Variants in ARHGEF26 observed in about 807,000 individuals in gnomAD.
ARHGEF26 encodes Rho guanine nucleotide exchange factor (GEF) 26.
A neutral mutation model predicts 89.4 loss-of-function variants in ARHGEF26; 59 were observed. That is an observed-to-expected ratio of 0.66 (90% CI 0.54 to 0.82). ARHGEF26 has a LOEUF of 0.82. ARHGEF26 is among the 40% of genes least tolerant of loss of function. ARHGEF26 has a pLI of 0.00. For missense variants in ARHGEF26, 1,234 were observed against 1,085.6 expected (o/e 1.14, Z -1.92); for synonymous variants, 500 against 428.4 (o/e 1.17, Z -2.06).
At chr3:154,232,486 C>T (rs953261340) in intron 11 of ARHGEF26, among the ~76,000 whole-genome samples, 3 of 152,188 alleles carry the variant, frequency 2.0e-5, no homozygotes, top group Non-Finnish European at 4.4e-5. Flanking sequence ...GGTCTGAGCA[C>T]TTGCCAAATT....
At chr3:154,230,034 A>G (rs1716739604) in intron 11 of ARHGEF26, among the ~76,000 whole-genome samples, 1 of 152,214 alleles carries the variant, frequency 6.6e-6, no homozygotes, top group Non-Finnish European at 1.5e-5. Context: ...TTGAAATACA[A>G]AACTGAATCC....
At chr3:154,141,978 A>G (rs1719411518) in intron 4 of ARHGEF26, among the ~76,000 whole-genome samples, 1 of 152,194 alleles carries the variant, frequency 6.6e-6, no homozygotes, top group Admixed American at 6.5e-5. Flanking sequence ...AACCCAGCCT[A>G]CCCTCCAGGA....
chr3:154,255,864 C>T lies in ARHGEF26; in HGVS notation c.*391C>T, dbSNP rs1718466582. On this transcript the variant is annotated 3_prime_UTR_variant, in exon 15 of 15. Transcript: ENST00000465093. ...TCTTTATACATCCTTGTATGGTTCTCCCAGTATTAGCAAGATTGTATATCT... is the reference window on the plus strand; with the variant it reads ...TCTTTATACATCCTTGTATGGTTCTTCCAGTATTAGCAAGATTGTATATCT... 1.0e-6 allele frequency: 1 copy of T among 1,002,928 alleles called. No individual in the cohort carries two copies. The allele number at this position is 1,002,928 out of a possible 1,614,324, so 62.1% of individuals were successfully genotyped here.
rs1714181326 is a variant in ARHGEF26 at position 154,194,731 on chromosome 3, T to TG, written c.1845+14dup. On this transcript the variant is annotated intron_variant, in intron 9 of 14. Transcript: ENST00000465093. ...GGAAGTTAGCAAGGTAACTGTTGGG[T>TG]GACAGTTTGTTTGTAAGACAGGAAA... 6.2e-7 allele frequency: 1 copy of TG among 1,605,474 alleles called. No homozygotes were observed. The highest frequency in any genetic ancestry group is 8.5e-7 in the Non-Finnish European group (1 of 1,174,408).
At chr3:154,253,000 C>A in intron 12 of ARHGEF26, 116 bp from the exon 13 acceptor site, 2 of 1,121,870 alleles carry the variant, frequency 1.8e-6, no homozygotes, top group Non-Finnish European at 2.6e-6. Flanking sequence ...TTTTACCATA[C>A]CTCTCTAGAG....
At chr3:154,249,245 C>G (rs527635981) in intron 12 of ARHGEF26, among the ~76,000 whole-genome samples, 5 of 152,162 alleles carry the variant, frequency 3.3e-5, no homozygotes, top group Admixed American at 2.6e-4. Context: ...AGCCTACTTC[C>G]TACTTTCTCA....
At chr3:154,245,600 A>G (rs1347891690) in intron 12 of ARHGEF26, among the ~76,000 whole-genome samples, 1 of 152,122 alleles carries the variant, frequency 6.6e-6, no homozygotes, top group Non-Finnish European at 1.5e-5. Flanking sequence ...TCAGTACTGC[A>G]CACTGCAGTC....
chr3:154,217,796 G>C, intron 9 of ARHGEF26, 73 bp from the exon 10 acceptor site: 1 of 1,162,532 alleles, frequency 8.6e-7, no homozygotes, highest in South Asian at 1.3e-5. Flanking sequence ...ATTATTTCCT[G>C]TGAGAGTTCT....
intron 9 of ARHGEF26, among the ~76,000 whole-genome samples, chr3:154,201,553 G>C (rs1714638214): frequency 6.6e-6 from 1 of 152,118 alleles, no homozygotes; most frequent in African/African-American, 2.4e-5. Flanking sequence ...GAAATTTCTA[G>C]TTCTAGATCC....
intron 11 of ARHGEF26, among the ~76,000 whole-genome samples, chr3:154,227,540 TA>T (rs1716568776): frequency 6.6e-6 from 1 of 152,152 alleles, no homozygotes; most frequent in Admixed American, 6.5e-5. Context: ...CTCAGCTTCC[TA>T]AAGTGCTGGG....
chr3:154,238,420 T>C (rs756642184), intron 11 of ARHGEF26, among the ~76,000 whole-genome samples: 3 of 152,222 alleles, frequency 2.0e-5, no homozygotes, highest in Non-Finnish European at 2.9e-5. Context: ...TTGCTGTTTT[T>C]TGAGGGCAGA....
At chr3:154,165,469 C>T (rs1711955274) in intron 6 of ARHGEF26, among the ~76,000 whole-genome samples, 1 of 152,158 alleles carries the variant, frequency 6.6e-6, no homozygotes, top group African/African-American at 2.4e-5. Context: ...GTTTTCTCTG[C>T]ATGCTGTTGA....
rs180801386 is a variant in ARHGEF26 at position 154,130,046 on chromosome 3, C to T, written c.1269+327C>T. Among the ~76,000 whole-genome samples, 62 of 151,262 alleles carry T rather than the reference C, an allele frequency of 4.1e-4. 1 individual carries two copies. In the East Asian group the frequency reaches 7.6e-3, roughly 19 times the overall value. On this transcript the variant is annotated intron_variant, in intron 4 of 14. Coordinates refer to ENST00000465093, the MANE Select transcript of ARHGEF26 (RefSeq NM_015595.4). ...AATTATGGCTATTTACATATATATG[C>T]GTGTGTGTTTATGTATGTATGCGTG...
At chr3:154,162,165 G>A (rs1711705563) in intron 6 of ARHGEF26, among the ~76,000 whole-genome samples, 1 of 152,168 alleles carries the variant, frequency 6.6e-6, no homozygotes, top group South Asian at 2.1e-4. Context: ...TATAGCTGTG[G>A]ATTTTGAACC....
chr3:154,151,245 T>G (rs555524781), intron 5 of ARHGEF26, among the ~76,000 whole-genome samples: 1 of 152,334 alleles, frequency 6.6e-6, no homozygotes, highest in Admixed American at 6.5e-5. Flanking sequence ...CCTAAATGGC[T>G]TCCTTTGGAG....
At chr3:154,187,476 G>A (rs1422125002) in intron 6 of ARHGEF26, among the ~76,000 whole-genome samples, 1 of 150,826 alleles carries the variant, frequency 6.6e-6, no homozygotes, top group Admixed American at 6.6e-5. Context: ...GATTATAGGC[G>A]TGAGCCACAA....
intron 9 of ARHGEF26, among the ~76,000 whole-genome samples, chr3:154,201,493 T>C (rs1420008061): frequency 6.6e-6 from 1 of 152,066 alleles, no homozygotes; most frequent in East Asian, 1.9e-4. Context: ...TAGCAGCATG[T>C]TTTATAATCC....
At chr3:154,173,318 A>G (rs1334978065) in intron 6 of ARHGEF26, among the ~76,000 whole-genome samples, 1 of 150,844 alleles carries the variant, frequency 6.6e-6, no homozygotes, top group Non-Finnish European at 1.5e-5. Flanking sequence ...TGTCTGTCTC[A>G]GATTATGAAT....
In ARHGEF26 at chr3:154,163,917, GCTGT is replaced by G. The variant is rs529786422; in HGVS notation, c.1487+10988_1487+10991del. Among the ~76,000 whole-genome samples, 1,017 of 152,052 alleles carry G rather than the reference GCTGT, an allele frequency of 6.7e-3. 13 individuals carry two copies. Among genetic ancestry groups the G allele is most frequent in the African/African-American group, 0.023 (948 of 41,476 alleles). On this transcript the variant is annotated intron_variant, in intron 6 of 14. Transcript: ENST00000465093. ...TGTATTTATTAACTTTTGCATGTAT[GCTGT>G]CTATGTACTTTCCTCAGATTAAAAA...
Sources: allele counts gnomAD v4.1 joint callset (sites outside exome capture counted in the v4.1 genomes callset), GRCh38; gene constraint gnomAD v4.1.1; transcripts MANE v1.5; gene names NCBI Gene and HGNC (gene_info 2026-07-23, HGNC 2026-07-21).